TADA1: variants seen among roughly 807,000 people sequenced by gnomAD.
TADA1 encodes the protein transcriptional adapter 1.
TADA1 carries 23 observed loss-of-function variants against 39.3 expected under a neutral mutation model. The ratio of observed to expected loss-of-function variants is 0.58; its 90% CI spans 0.42 to 0.83. The LOEUF is 0.83. Ranked by LOEUF, TADA1 falls within the 40% of genes least tolerant of loss-of-function variation. The pLI, the probability that TADA1 is intolerant of heterozygous loss-of-function variation, is 0.00. For missense variants in TADA1, 352 were observed against 408.1 expected (o/e 0.86, Z 1.18); for synonymous variants, 137 against 151.8 (o/e 0.90, Z 0.72).
chr1:166,875,078 TCCA>T, intron 1 of TADA1, among the ~76,000 whole-genome samples: 1 of 152,276 alleles, frequency 6.6e-6, no homozygotes, highest in East Asian at 1.9e-4. Flanking sequence ...AAATTGCTCC[TCCA>T]CCAACATCAT....
At chr1:166,865,096 T>TA (rs11454141) in intron 3 of TADA1, among the ~76,000 whole-genome samples, 56,590 of 150,192 alleles carry the variant, frequency 0.38, 10,641 homozygotes, top group Middle Eastern at 0.5. Flanking sequence ...AAAATAAAAA[T>TA]AAAAAAAAAG....
At chr1:166,864,767 A>T (rs1020769863) in intron 3 of TADA1, among the ~76,000 whole-genome samples, 18 of 152,212 alleles carry the variant, frequency 1.2e-4, no homozygotes, top group Admixed American at 1.0e-3. Context: ...AGAATGACAC[A>T]GAGCAGGGTA....
In TADA1 at chr1:166,872,580, G is replaced by A. The variant is rs143491423; in HGVS notation, c.75-2726C>T. Among the ~76,000 whole-genome samples the A allele has an allele frequency of 1.9e-3, 283 of 152,220 alleles. 2 individuals are homozygous for A. Among genetic ancestry groups the A allele is most frequent in the Admixed American group, 4.4e-3 (68 of 15,290 alleles). The stretch of plus-strand genomic sequence containing the variant: ...CCAGCTACCTGGGAGACTGAGACGG[G>A]AGAATCGCTTGAACCCAGGAGGCAG... On this transcript the variant is annotated intron_variant, in intron 1 of 7. Coordinates refer to ENST00000367874, the MANE Select transcript of TADA1 (RefSeq NM_053053.4).
At chr1:166,868,215 T>C (rs1484701919) in intron 3 of TADA1, among the ~76,000 whole-genome samples, 1 of 152,228 alleles carries the variant, frequency 6.6e-6, no homozygotes, top group African/African-American at 2.4e-5. Context: ...TAAAATAAGA[T>C]GGTTGAGAGA....
At chr1:166,865,892 C>CCAAA in intron 3 of TADA1, among the ~76,000 whole-genome samples, 1 of 151,438 alleles carries the variant, frequency 6.6e-6, no homozygotes, top group Non-Finnish European at 1.5e-5. Flanking sequence ...AATGTTCCTA[C>CCAAA]AATTTTGATA....
chr1:166,858,114 C>T lies in TADA1; in HGVS notation c.855+5G>A, dbSNP rs752581722. On this transcript the variant is annotated splice_donor_5th_base_variant and intron_variant, in intron 7 of 7. Transcript: ENST00000367874. ...CTAGGTAAACTTTAAGGAGCCAAGA[C>T]TTACCTGCAAAGCTTCAAAAAGATC... 6 of 1,614,022 alleles carry T rather than the reference C, an allele frequency of 3.7e-6. No homozygotes were observed. In the East Asian group the frequency reaches 1.3e-4, roughly 36 times the overall value.
chr1:166,875,177 T>G (rs1658735777), intron 1 of TADA1, among the ~76,000 whole-genome samples: 2 of 152,276 alleles, frequency 1.3e-5, no homozygotes, highest in Admixed American at 1.3e-4. Flanking sequence ...ACTGTAATTT[T>G]AAACGTTTAT....
chr1:166,875,725 C>A (rs1199356529), intron 1 of TADA1, among the ~76,000 whole-genome samples: 1 of 152,244 alleles, frequency 6.6e-6, no homozygotes, highest in East Asian at 1.9e-4. Context: ...CACACCAGCT[C>A]AACAGGCCTC....
chr1:166,859,700 GAC>G (rs1350856363), intron 6 of TADA1, among the ~76,000 whole-genome samples: 1 of 152,048 alleles, frequency 6.6e-6, no homozygotes. Flanking sequence ...AGCAAGTGAT[GAC>G]ACCAGGCACA....
At chr1:166,870,622 G>A (rs1376806718) in intron 1 of TADA1, among the ~76,000 whole-genome samples, 1 of 152,192 alleles carries the variant, frequency 6.6e-6, no homozygotes, top group Non-Finnish European at 1.5e-5. Context: ...GAACCCAGGA[G>A]TTCGAGATTA....
At chr1:166,869,137 CAG>C in intron 3 of TADA1, 1 of 362,248 alleles carries the variant, frequency 2.8e-6, no homozygotes, top group South Asian at 3.3e-5. Flanking sequence ...ACTTTTTCTC[CAG>C]AAACAGAAAT....
At chr1:166,876,016 G>A in intron 1 of TADA1, 144 bp downstream of exon 1, 2 of 798,966 alleles carry the variant, frequency 2.5e-6, no homozygotes, top group South Asian at 2.2e-5. Flanking sequence ...CGCCCCGGCC[G>A]GAGAAACCCC....
chr1:166,857,720 C>CTGGGATTAAT lies in TADA1; in HGVS notation c.856-2_856-1insATTAATCCCA, dbSNP rs1658310545. ...GTGTAGGGATGACTTCCCTGTGCAC[C>CTGGGATTAAT]TGGGATTAAAAAATTAACGCATGTC... On this transcript the variant is annotated splice_acceptor_variant, in intron 7 of 7. Coordinates refer to ENST00000367874, the MANE Select transcript of TADA1 (RefSeq NM_053053.4). LOFTEE classifies it high-confidence loss of function. The CTGGGATTAAT allele has an allele frequency of 6.2e-7, 1 of 1,608,620 alleles. No individual in the cohort carries two copies. Among genetic ancestry groups the CTGGGATTAAT allele is most frequent in the East Asian group, 2.2e-5 (1 of 44,834 alleles).
rs1349138494 is a variant in TADA1, at chr1:166,857,527, C to T, written c.*40G>A. On this transcript the variant is annotated 3_prime_UTR_variant, in exon 8 of 8. Coordinates refer to ENST00000367874, the MANE Select transcript of TADA1 (RefSeq NM_053053.4). ...CAAAAAACATTCAATTTTCAGTAAT[C>T]AATGAATTCGGTGAGGGTCCCACAC... 1 of 1,605,956 alleles carries T rather than the reference C, an allele frequency of 6.2e-7. No homozygotes were observed. The highest frequency in any genetic ancestry group is 2.2e-5 in the East Asian group (1 of 44,822).
rs945089557 is a variant in TADA1, at chr1:166,866,870, T to C, written c.232+2575A>G. Among the ~76,000 whole-genome samples the C allele has an allele frequency of 2.0e-5, 3 of 151,792 alleles. No individual in the cohort carries two copies. In the East Asian group the frequency reaches 5.8e-4, roughly 29 times the overall value. ...AGCAATTCTCCTGCCTCAGCCTCCC[T>C]AGTACCCAGGATTACAGGTGCCTAC... On this transcript the variant is annotated intron_variant, in intron 3 of 7. Coordinates refer to ENST00000367874, the MANE Select transcript of TADA1 (RefSeq NM_053053.4).
At chr1:166,875,306 TA>T (rs1325069636) in intron 1 of TADA1, among the ~76,000 whole-genome samples, 45 of 152,340 alleles carry the variant, frequency 3.0e-4, no homozygotes, top group African/African-American at 1.0e-3. Flanking sequence ...TTTGACTGGA[TA>T]CTGATTTTAC....
At chr1:166,862,502 A>T in intron 4 of TADA1, 90 bp from the exon 5 acceptor site, 1 of 1,020,690 alleles carries the variant, frequency 9.8e-7, no homozygotes, top group Non-Finnish European at 1.5e-6. Context: ...AGATCCTCCA[A>T]ATTAATGCCA....
At position 166,862,252 on chromosome 1, in the gene TADA1, A is replaced by G. The variant is rs770702210; in HGVS notation, c.491T>C (p.Leu164Pro). Residue 164 changes from leucine to proline, a missense_variant, in exon 5 of 8, where the codon CTG becomes CCG. This residue lies in a region of TADA1 where 285 missense variants were observed against 310.9 expected (regional missense o/e 0.92). Coordinates refer to ENST00000367874, the MANE Select transcript of TADA1 (RefSeq NM_053053.4). ...AACAGCCTCCTCGGTGACATTGTCCAGCCCATGCTCATAAGCAGTCACTAT... is the reference window on the plus strand; with the variant it reads ...AACAGCCTCCTCGGTGACATTGTCCGGCCCATGCTCATAAGCAGTCACTAT... ...RMIVTAYEHG[L>P]DNVTEEAVSA... 1 of 1,614,070 alleles carries G rather than the reference A, an allele frequency of 6.2e-7. No individual in the cohort carries two copies. The highest frequency in any genetic ancestry group is 8.5e-7 in the Non-Finnish European group (1 of 1,179,974).
Position 166,862,235 on chromosome 1 carries a change from C to G in TADA1, c.508G>C (p.Glu170Gln), listed in dbSNP as rs1217178037. The G allele has an allele frequency of 8.7e-6, 14 of 1,613,832 alleles. No individual in the cohort carries two copies. The highest frequency in any genetic ancestry group is 1.2e-5 in the Non-Finnish European group (14 of 1,179,924). The stretch of plus-strand genomic sequence containing the variant: ...GCATAGACAACAGCTGAAACAGCCT[C>G]CTCGGTGACATTGTCCAGCCCATGC... ...YEHGLDNVTE[E>Q]AVSAVVYAVE... is the part of the protein sequence containing the mutation. Residue 170 changes from glutamate to glutamine, a missense_variant, in exon 5 of 8, where the codon GAG (glutamate) becomes CAG (glutamine). This residue lies in a region of TADA1 where 285 missense variants were observed against 310.9 expected (regional missense o/e 0.92). Coordinates refer to ENST00000367874, the MANE Select transcript of TADA1 (RefSeq NM_053053.4).
Sources: allele counts gnomAD v4.1 joint callset (sites outside exome capture counted in the v4.1 genomes callset), GRCh38; gene constraint gnomAD v4.1.1; regional missense constraint gnomAD v4.1.1; transcripts MANE v1.5; gene names NCBI Gene and HGNC (gene_info 2026-07-23, HGNC 2026-07-21).